The following CENPU variants were observed in gnomAD, a reference collection of about 807,000 sequenced individuals.
The protein encoded by CENPU is centromere protein U.
A neutral mutation model predicts 56.7 loss-of-function variants in CENPU; 46 were observed. The observed-to-expected ratio is 0.81, with a 90% CI of 0.64 to 1.04. CENPU has a LOEUF of 1.04. CENPU is among the 50% of genes least tolerant of loss of function. The probability of loss-of-function intolerance (pLI) is 0.00; values close to 1 mark genes in which losing one functional copy is unlikely to be tolerated. For missense variants in CENPU, 510 were observed against 490.1 expected (o/e 1.04, Z -0.38); for synonymous variants, 166 against 163.0 (o/e 1.02, Z -0.14).
In CENPU at chr4:184,712,960, A is replaced by G. The variant is rs1561136141; in HGVS notation, c.672T>C (p.Ser224=). ...ATTCTCTACCTGAGCCTATGGCTTT[A>G]CTTCTTGATTTCTTCCTTTTGTCAT... ...ISHDKRKKSR[S]KAIGSDTSDI... Residue 224 remains serine (S), a synonymous_variant, in exon 7 of 13, where the codon AGT becomes AGC. Coordinates refer to ENST00000281453, the MANE Select transcript of CENPU (RefSeq NM_024629.4). 6.3e-7 allele frequency: 1 copy of G among 1,591,054 alleles called. No homozygotes were observed.
intron 10 of CENPU, among the ~76,000 whole-genome samples, chr4:184,701,693 A>G (rs1760539398): frequency 6.6e-6 from 1 of 152,200 alleles, no homozygotes; most frequent in South Asian, 2.1e-4. Flanking sequence ...TACCTGGGAC[A>G]GTTCTTTATT....
intron 4 of CENPU, among the ~76,000 whole-genome samples, chr4:184,724,467 C>G (rs775025647): frequency 7.2e-5 from 11 of 152,284 alleles, no homozygotes; most frequent in Middle Eastern, 3.4e-3. Context: ...TCTATGAAAT[C>G]ATTTTTATAG....
At position 184,724,966 on chromosome 4, in the gene CENPU, G is replaced by T. The variant is rs1304537604; in HGVS notation, c.311C>A (p.Ala104Glu). The T allele has an allele frequency of 1.2e-6, 2 of 1,601,130 alleles. No homozygotes were observed. The highest frequency in any genetic ancestry group is 1.7e-6 in the Non-Finnish European group (2 of 1,172,544). Residue 104 changes from alanine to glutamate, a missense_variant, in exon 4 of 13, where the codon GCA becomes GAA. Coordinates refer to ENST00000281453, the MANE Select transcript of CENPU (RefSeq NM_024629.4). ...TGAAATACACCAGTACCTTCTTTTT[G>T]CTTCTTTTCCTGGAGGAGTTGAAGA... ...SLSSTPPGKE[A>E]KRSSDTSGNE...
chr4:184,719,058 C>G (rs1761188144), intron 4 of CENPU, among the ~76,000 whole-genome samples: 1 of 152,040 alleles, frequency 6.6e-6, no homozygotes, highest in Non-Finnish European at 1.5e-5. Flanking sequence ...GAATCACCTA[C>G]ACATAAAGAA....
At chr4:184,697,543 C>G in intron 12 of CENPU, 104 bp downstream of exon 12, 1 of 1,080,648 alleles carries the variant, frequency 9.3e-7, no homozygotes, top group Non-Finnish European at 1.4e-6. Context: ...CTCTGTAATT[C>G]TGTATCTGCA....
At chr4:184,711,953 T>C (rs886658333) in intron 7 of CENPU, among the ~76,000 whole-genome samples, 1 of 151,830 alleles carries the variant, frequency 6.6e-6, no homozygotes, top group African/African-American at 2.4e-5. Flanking sequence ...AAACCCCGTC[T>C]CTACTAAAAT....
At chr4:184,697,614 C>T (rs756636878) in intron 12 of CENPU, 33 bp downstream of exon 12, 63 of 1,606,278 alleles carry the variant, frequency 3.9e-5, no homozygotes, top group Non-Finnish European at 5.4e-5. Flanking sequence ...CAATCATCTT[C>T]TGAAGCATGG....
At chr4:184,703,283 T>C (rs1760605563) in intron 8 of CENPU, among the ~76,000 whole-genome samples, 1 of 152,214 alleles carries the variant, frequency 6.6e-6, no homozygotes, top group African/African-American at 2.4e-5. Flanking sequence ...TCTTTGCCTG[T>C]TAGCAAAAGG....
At position 184,727,577 on chromosome 4, in the gene CENPU, G is replaced by A. The variant is rs529614192; in HGVS notation, c.214+1341C>T. 3.9e-5 allele frequency among the ~76,000 whole-genome samples: 6 copies of A among 152,282 alleles called. No homozygotes were observed. In the South Asian group the frequency reaches 1.2e-3, roughly 32 times the overall value. Reference sequence around the variant, plus strand: ...TACTGCCATGGAATTGTAAAGTGGTGCAGCCGCTTTGTAAAACAGTTCCTC... The same window carrying A: ...TACTGCCATGGAATTGTAAAGTGGTACAGCCGCTTTGTAAAACAGTTCCTC... On this transcript the variant is annotated intron_variant, in intron 3 of 12. Transcript: ENST00000281453.
chr4:184,711,357 T>TA (rs1387818466), intron 7 of CENPU, among the ~76,000 whole-genome samples: 1 of 152,316 alleles, frequency 6.6e-6, no homozygotes, highest in East Asian at 1.9e-4. Context: ...ATGTATTGTG[T>TA]AAAAAAATCA....
chr4:184,718,052 C>A (rs557249260), intron 4 of CENPU, among the ~76,000 whole-genome samples: 3 of 152,282 alleles, frequency 2.0e-5, no homozygotes, highest in South Asian at 2.1e-4. Context: ...CTGCAGGGCA[C>A]CCACATAGGC....
At chr4:184,703,473 C>T (rs895874500) in intron 8 of CENPU, among the ~76,000 whole-genome samples, 1 of 151,824 alleles carries the variant, frequency 6.6e-6, no homozygotes, top group East Asian at 1.9e-4. Flanking sequence ...ATTAAGATGG[C>T]TATTATTAAA....
At chr4:184,703,061 G>A (rs1386318825) in intron 8 of CENPU, among the ~76,000 whole-genome samples, 1 of 151,812 alleles carries the variant, frequency 6.6e-6, no homozygotes, top group East Asian at 1.9e-4. Context: ...TAACTAAGAT[G>A]GCAATGTTCA....
At chr4:184,722,681 T>A (rs1190549901) in intron 4 of CENPU, among the ~76,000 whole-genome samples, 1 of 143,020 alleles carries the variant, frequency 7.0e-6, no homozygotes, top group South Asian at 2.3e-4. Context: ...AAAAGAGAGA[T>A]GAACCAGTAA....
rs58001977 is a variant in CENPU at position 184,734,096 on chromosome 4, T to G, written c.-34A>C. 1.7e-4 allele frequency: 265 copies of G among 1,540,036 alleles called. 2 individuals are homozygous for G. The East Asian group carries it at 6.1e-3, about 35-fold the overall frequency. On this transcript the variant is annotated 5_prime_UTR_variant, in exon 1 of 13. Coordinates refer to ENST00000281453, the MANE Select transcript of CENPU (RefSeq NM_024629.4). Reference sequence around the variant, plus strand: ...TCTCCGCTCTCGAGCGACTGGAAGCTCCCGCCAAGCCCCTCGCCGCTCCGA... The same window carrying G: ...TCTCCGCTCTCGAGCGACTGGAAGCGCCCGCCAAGCCCCTCGCCGCTCCGA...
At position 184,716,465 on chromosome 4, in the gene CENPU, T is replaced by C. The variant is rs1400647518; in HGVS notation, c.550A>G (p.Lys184Glu). 10 of 1,614,228 alleles carry C rather than the reference T, an allele frequency of 6.2e-6. No individual in the cohort carries two copies. The highest frequency in any genetic ancestry group is 8.5e-6 in the Non-Finnish European group (10 of 1,180,038). Residue 184 changes from lysine (K) to glutamate (E), a missense_variant, in exon 6 of 13, where the codon AAA becomes GAA. Lys to Glu is a moderately conservative substitution (Grantham distance 56, BLOSUM62 1). Coordinates refer to ENST00000281453, the MANE Select transcript of CENPU (RefSeq NM_024629.4). ...TGGGCACTAAGGGGTCCTGTCTTTT[T>C]AGAAGTGACAGACTCAGCTGGTTTC... ...SEKPAESVTS[K>E]KTGPLSAQPS...
chr4:184,699,386 GAA>G (rs1760454599), intron 11 of CENPU, among the ~76,000 whole-genome samples: 1 of 152,086 alleles, frequency 6.6e-6, no homozygotes, highest in Non-Finnish European at 1.5e-5. Context: ...GTCTCACACC[GAA>G]GACAAGTGTA....
chr4:184,712,001 G>A (rs1413960167), intron 7 of CENPU, among the ~76,000 whole-genome samples: 1 of 151,334 alleles, frequency 6.6e-6, no homozygotes, highest in African/African-American at 2.4e-5. Flanking sequence ...TGGGCCTATA[G>A]TCTCAGCTAC....
chr4:184,713,575 T>C (rs1760994394), intron 6 of CENPU, among the ~76,000 whole-genome samples: 1 of 152,216 alleles, frequency 6.6e-6, no homozygotes, highest in Non-Finnish European at 1.5e-5. Flanking sequence ...CTTTTATTAC[T>C]TAAGATAACA....
Sources: allele counts gnomAD v4.1 joint callset (sites outside exome capture counted in the v4.1 genomes callset), GRCh38; gene constraint gnomAD v4.1.1; transcripts MANE v1.5; gene names NCBI Gene and HGNC (gene_info 2026-07-23, HGNC 2026-07-21).